Variants in DGKI observed in about 807,000 individuals in gnomAD.
DGKI encodes the protein DAG kinase iota.
A neutral mutation model predicts 147.5 loss-of-function variants in DGKI; 55 were observed. The ratio of observed to expected loss-of-function variants is 0.37; its 90% confidence interval spans 0.30 to 0.47. The LOEUF (loss-of-function observed/expected upper bound fraction) is 0.47, where lower values mean the gene tolerates loss of function less well. Ranked by LOEUF, DGKI falls within the 20% of genes least tolerant of loss-of-function variation. The pLI is 1.00. For synonymous variants in DGKI, 469 were observed against 477.1 expected, an observed-to-expected ratio of 0.98 and a Z score of 0.22; for missense variants, 1,007 against 1,323.8, an observed-to-expected ratio of 0.76 and a Z score of 3.71.
chr7:137,472,112 TA>T (rs750089919), intron 23 of DGKI, among the ~76,000 whole-genome samples: 6 of 117,384 alleles, frequency 5.1e-5, no homozygotes, highest in African/African-American at 1.9e-4. Context: ...TGTGTATATA[TA>T]CATATAAATA....
intron 19 of DGKI, among the ~76,000 whole-genome samples, chr7:137,569,590 G>A (rs976107810): frequency 4.6e-5 from 7 of 151,278 alleles, no homozygotes; most frequent in Admixed American, 2.0e-4. Flanking sequence ...TTAGCCGGGC[G>A]TGGTGGTGGG....
At chr7:137,489,756 A>C (rs1230444062) in intron 21 of DGKI, among the ~76,000 whole-genome samples, 1 of 152,196 alleles carries the variant, frequency 6.6e-6, no homozygotes, top group Non-Finnish European at 1.5e-5. Context: ...ATGTGCAAAA[A>C]TAGAAAATAG....
At chr7:137,580,868 G>C (rs1399804273) in intron 15 of DGKI, among the ~76,000 whole-genome samples, 1 of 151,866 alleles carries the variant, frequency 6.6e-6, no homozygotes, top group Non-Finnish European at 1.5e-5. Flanking sequence ...ACATAACCTG[G>C]AGGGAAAAAA....
intron 6 of DGKI, among the ~76,000 whole-genome samples, chr7:137,643,156 T>C (rs1489119862): frequency 6.6e-6 from 1 of 151,672 alleles, no homozygotes; most frequent in Admixed American, 6.6e-5. Context: ...CCGGGCGTGT[T>C]GGCGGGCGCC....
At chr7:137,700,079 T>G (rs1823924697) in intron 1 of DGKI, among the ~76,000 whole-genome samples, 1 of 152,184 alleles carries the variant, frequency 6.6e-6, no homozygotes, top group Non-Finnish European at 1.5e-5. Context: ...AACTACCTAC[T>G]TCGATGTCAG....
At chr7:137,720,451 G>A (rs1315628925) in intron 1 of DGKI, among the ~76,000 whole-genome samples, 1 of 151,622 alleles carries the variant, frequency 6.6e-6, no homozygotes, top group Non-Finnish European at 1.5e-5. Context: ...GTAGAGACCG[G>A]GTTTCACCGT....
rs145831043 is a variant in DGKI, at chr7:137,527,900, T to C, written c.2148-5934A>G. ...AGAATTCATTTGAACTGGCTCGTTT[T>C]ATAAATAGAGTTTTATTAAAATATG... On this transcript the variant is annotated intron_variant, in intron 20 of 32. Coordinates refer to ENST00000614521, the MANE Select transcript of DGKI (RefSeq NM_001321708.2). Among the ~76,000 whole-genome samples the C allele has an allele frequency of 6.8e-3, 1,033 of 152,352 alleles. 10 individuals carry two copies. The highest frequency in any genetic ancestry group is 0.011 in the Non-Finnish European group (722 of 68,026).
In DGKI at chr7:137,384,838, C is replaced by T. The variant is rs1456678308; in HGVS notation, c.*6382G>A. ...TCAGTATTTCCCACTATCAAAGCCTCCCATTTCAGAAGGCATTTGGCTCAA... is the reference window on the plus strand; with the variant it reads ...TCAGTATTTCCCACTATCAAAGCCTTCCATTTCAGAAGGCATTTGGCTCAA... On this transcript the variant is annotated 3_prime_UTR_variant, in exon 33 of 33. Coordinates refer to ENST00000614521, the MANE Select transcript of DGKI (RefSeq NM_001321708.2). 1 of 152,118 alleles carries T rather than the reference C, an allele frequency of 6.6e-6. No homozygotes were observed. 9.4% of individuals were successfully genotyped at this position (152,118 alleles called of 1,614,324 possible). A position where few individuals can be genotyped will look rare whatever the true frequency, so the allele number is the denominator to read the frequency against.
At chr7:137,742,294 TGC>T (rs1385687660) in intron 1 of DGKI, among the ~76,000 whole-genome samples, 2 of 151,296 alleles carry the variant, frequency 1.3e-5, no homozygotes, top group African/African-American at 2.4e-5. Flanking sequence ...CAGTGGTTGG[TGC>T]GCTGTTACAT....
intron 1 of DGKI, among the ~76,000 whole-genome samples, chr7:137,739,461 C>T (rs1411219822): frequency 1.3e-5 from 2 of 151,996 alleles, no homozygotes; most frequent in East Asian, 1.9e-4. Context: ...TTCAGAGTTA[C>T]GGTGTAATCT....
At chr7:137,583,301 C>T (rs1190525725) in intron 14 of DGKI, among the ~76,000 whole-genome samples, 1 of 152,112 alleles carries the variant, frequency 6.6e-6, no homozygotes, top group African/African-American at 2.4e-5. Flanking sequence ...ATGTCTTACT[C>T]TTCAGCCTTC....
intron 23 of DGKI, among the ~76,000 whole-genome samples, chr7:137,481,740 A>C (rs1472184934): frequency 6.6e-6 from 1 of 152,076 alleles, no homozygotes; most frequent in Non-Finnish European, 1.5e-5. Flanking sequence ...GCTCACTAAT[A>C]AGGTGTCTTG....
intron 21 of DGKI, among the ~76,000 whole-genome samples, chr7:137,517,508 T>A (rs1412573662): frequency 6.6e-6 from 1 of 152,088 alleles, no homozygotes; most frequent in Admixed American, 6.6e-5. Context: ...CAATATGGTA[T>A]CCTAGATTTG....
At chr7:137,684,881 T>C (rs1823364779) in intron 2 of DGKI, among the ~76,000 whole-genome samples, 1 of 152,134 alleles carries the variant, frequency 6.6e-6, no homozygotes, top group Non-Finnish European at 1.5e-5. Flanking sequence ...CCAGGTCTCC[T>C]AGGACTCACA....
At chr7:137,623,876 C>A in intron 6 of DGKI, among the ~76,000 whole-genome samples, 1 of 151,592 alleles carries the variant, frequency 6.6e-6, no homozygotes, top group Non-Finnish European at 1.5e-5. Flanking sequence ...TTATTATAAC[C>A]AAAGGAAAAG....
At chr7:137,607,342 A>C (rs1820215786) in intron 10 of DGKI, among the ~76,000 whole-genome samples, 1 of 152,174 alleles carries the variant, frequency 6.6e-6, no homozygotes, top group African/African-American at 2.4e-5. Context: ...CATTTACAAG[A>C]TGTCTTTAGA....
chr7:137,466,121 T>A (rs1313141369), intron 25 of DGKI, 86 bp from the exon 26 acceptor site: 25 of 1,485,252 alleles, frequency 1.7e-5, no homozygotes, highest in Admixed American at 8.7e-5. Flanking sequence ...CTGCAACGTG[T>A]CAAAGGATCA....
intron 6 of DGKI, among the ~76,000 whole-genome samples, chr7:137,632,894 C>T (rs953180237): frequency 5.9e-5 from 8 of 135,546 alleles, no homozygotes; most frequent in South Asian, 2.1e-4. Context: ...AACAAACAAA[C>T]GTGAGGCCCA....
chr7:137,430,294 T>C (rs1813009700), intron 28 of DGKI, among the ~76,000 whole-genome samples: 1 of 151,126 alleles, frequency 6.6e-6, no homozygotes, highest in Non-Finnish European at 1.5e-5. Flanking sequence ...CTCAGTAAAC[T>C]ATCACAAGGA....
Sources: gnomAD v4.1 joint callset for allele counts (sites outside exome capture counted in the v4.1 genomes callset) on GRCh38, gnomAD v4.1.1 for gene constraint, MANE v1.5 for transcripts, NCBI Gene and HGNC (gene_info 2026-07-23, HGNC 2026-07-21) for gene names.